Variants in AFTPH observed in about 807,000 individuals in gnomAD.
AFTPH encodes the protein aftiphilin, also known as aftiphilin protein.
A neutral mutation model predicts 72.5 loss-of-function variants in AFTPH; 7 were observed. The observed-to-expected ratio is 0.10, with a 90% confidence interval of 0.05 to 0.18. The LOEUF is 0.18. AFTPH is among the 10% of genes least tolerant of loss of function. AFTPH has a pLI of 1.00. For synonymous variants in AFTPH, 337 were observed against 370.1 expected (o/e 0.91, Z 1.03); for missense variants, 979 against 1,060.5 (o/e 0.92, Z 1.07).
At chr2:64,541,072 A>G (rs1670223316) in intron 1 of AFTPH, among the ~76,000 whole-genome samples, 1 of 152,108 alleles carries the variant, frequency 6.6e-6, no homozygotes. Flanking sequence ...GCTACCTTGT[A>G]GGATTACTTA....
chr2:64,591,260 A>T (rs3770723), intron 8 of AFTPH, among the ~76,000 whole-genome samples: 27,146 of 152,072 alleles, frequency 0.18, 3,108 homozygotes, highest in African/African-American at 0.33. Flanking sequence ...GATTTCCCTC[A>T]CCCAGAGTTC....
In AFTPH at chr2:64,553,242, G is replaced by A. The variant is rs139549105; in HGVS notation, c.1768G>A (p.Asp590Asn). ...TAGTTGTTCTTGGGCTGCTTTTGGA[G>A]ACCAGCAGGCTACTGAATCTCATCA... The change falls in exon 2 of 9, where the codon GAC (aspartate) becomes AAC (asparagine). Residue 590 changes from aspartate (D) to asparagine (N), a missense_variant. Coordinates refer to ENST00000238856, the Ensembl canonical transcript of AFTPH. 1.8e-4 allele frequency: 289 copies of A among 1,614,142 alleles called. No individual in the cohort carries two copies. In the African/African-American group the frequency reaches 2.4e-3, roughly 13 times the overall value.
At chr2:64,558,057 G>T (rs990911906) in intron 2 of AFTPH, among the ~76,000 whole-genome samples, 1 of 152,072 alleles carries the variant, frequency 6.6e-6, no homozygotes, top group African/African-American at 2.4e-5. Context: ...ATATTTAATG[G>T]TGCTGCAGCA....
chr2:64,580,967 G>A (rs1673162198), intron 7 of AFTPH: 2 of 345,188 alleles, frequency 5.8e-6, no homozygotes, highest in East Asian at 1.1e-4. Context: ...CATTGTACAT[G>A]AGAAAATGTA....
intron 1 of AFTPH, among the ~76,000 whole-genome samples, chr2:64,547,083 A>G (rs1303216937): frequency 6.6e-6 from 1 of 152,064 alleles, no homozygotes; most frequent in Non-Finnish European, 1.5e-5. Context: ...ACATACTACC[A>G]TCACAATCAA....
rs1301308111 is a variant in AFTPH at position 64,592,018 on chromosome 2, GA to G, written c.2718del (p.Ala907GlnfsTer5). 1 of 1,609,896 alleles carries G rather than the reference GA, an allele frequency of 6.2e-7. No individual in the cohort carries two copies. Among genetic ancestry groups the G allele is most frequent in the Non-Finnish European group, 8.5e-7 (1 of 1,178,828 alleles). On this transcript the variant is annotated frameshift_variant, in exon 9 of 9. Coordinates refer to ENST00000238856, the Ensembl canonical transcript of AFTPH. LOFTEE classifies it high-confidence loss of function. ...GTTAACACCTTCCACAAGCTCTCAAGAAAAAGCAGACGGATAACTGATGTGA... is the reference window on the plus strand; with the variant it reads ...GTTAACACCTTCCACAAGCTCTCAAGAAAAGCAGACGGATAACTGATGTGA...
chr2:64,572,454 A>G (rs1672497033), intron 5 of AFTPH, among the ~76,000 whole-genome samples: 2 of 152,160 alleles, frequency 1.3e-5, no homozygotes, highest in Admixed American at 6.5e-5. Context: ...GGTAATGTGT[A>G]CAAAGGGTGC....
exon 8 of AFTPH, chr2:64,585,445 T>C (rs1348027386): frequency 6.2e-7 from 1 of 1,610,572 alleles, no homozygotes; most frequent in Non-Finnish European, 8.5e-7. Context: ...GTTGTATGAG[T>C]TAACAACTTC....
exon 2 of AFTPH, chr2:64,552,101 G>A: frequency 6.2e-7 from 1 of 1,614,100 alleles, no homozygotes; most frequent in Middle Eastern, 1.6e-4. Flanking sequence ...CAAAGGGACG[G>A]AAGCCTCTTA....
At chr2:64,587,474 C>T (rs1176504061) in intron 8 of AFTPH, among the ~76,000 whole-genome samples, 1 of 152,196 alleles carries the variant, frequency 6.6e-6, no homozygotes, top group African/African-American at 2.4e-5. Context: ...TTTCAGAAAG[C>T]ATTTTTAGTA....
chr2:64,545,453 C>T (rs1373207723), intron 1 of AFTPH, among the ~76,000 whole-genome samples: 1 of 150,152 alleles, frequency 6.7e-6, no homozygotes, highest in African/African-American at 2.4e-5. Context: ...TGTATGTACA[C>T]ACACACTATA....
intron 2 of AFTPH, among the ~76,000 whole-genome samples, chr2:64,566,711 A>G (rs1011303472): frequency 5.3e-5 from 8 of 152,148 alleles, no homozygotes; most frequent in African/African-American, 1.9e-4. Context: ...ATGTATAGTA[A>G]ACCTAGTGGT....
At chr2:64,590,229 A>T (rs1044493141) in intron 8 of AFTPH, among the ~76,000 whole-genome samples, 1 of 152,156 alleles carries the variant, frequency 6.6e-6, no homozygotes, top group African/African-American at 2.4e-5. Context: ...AGCTTATATA[A>T]AGATTAGTAT....
At chr2:64,555,555 T>TCACACACACACA (rs111905151) in intron 2 of AFTPH, among the ~76,000 whole-genome samples, 10 of 140,768 alleles carry the variant, frequency 7.1e-5, no homozygotes, top group South Asian at 2.3e-4. Context: ...AGAGAGACTG[T>TCACACACACACA]CACACACACA....
At chr2:64,571,577 A>C (rs989737829) in intron 5 of AFTPH, among the ~76,000 whole-genome samples, 1 of 152,196 alleles carries the variant, frequency 6.6e-6, no homozygotes, top group African/African-American at 2.4e-5. Flanking sequence ...TGATTCTGCA[A>C]ACTGTTTTAG....
At chr2:64,536,015 C>T (rs75025144) in intron 1 of AFTPH, among the ~76,000 whole-genome samples, 11 of 151,992 alleles carry the variant, frequency 7.2e-5, no homozygotes, top group Non-Finnish European at 1.0e-4. Context: ...AGAGGGGGAG[C>T]GGTTGGGGTA....
chr2:64,553,281 T>C (rs746081467), exon 2 of AFTPH: 2 of 1,614,112 alleles, frequency 1.2e-6, no homozygotes, highest in Non-Finnish European at 8.5e-7. Context: ...AAAGGAAGCC[T>C]GGCAGTCACA....
In AFTPH at chr2:64,552,955, T is replaced by C. The variant is rs945762100; in HGVS notation, c.1481T>C (p.Ile494Thr). 1.9e-6 allele frequency: 3 copies of C among 1,614,014 alleles called. No homozygotes were observed. In the African/African-American group the frequency reaches 4.0e-5, roughly 22 times the overall value. Reference sequence around the variant, plus strand: ...GCTGTTTCTTGCCAAGAGGAGACAATATTAACAAAGTCAGACCTAAAACAG... The same window carrying C: ...GCTGTTTCTTGCCAAGAGGAGACAACATTAACAAAGTCAGACCTAAAACAG... Residue 494 changes from isoleucine to threonine, a missense_variant, in exon 2 of 9, where the codon ATA becomes ACA. By Grantham distance (89) the Ile-to-Thr change is moderately conservative. Transcript: ENST00000238856.
At chr2:64,534,785 T>A (rs1669800986) in intron 1 of AFTPH, among the ~76,000 whole-genome samples, 1 of 151,702 alleles carries the variant, frequency 6.6e-6, no homozygotes, top group Non-Finnish European at 1.5e-5. Context: ...TTAAATTATA[T>A]ACTAATTATA....
Sources: gnomAD v4.1 joint callset for allele counts (sites outside exome capture counted in the v4.1 genomes callset) on GRCh38, gnomAD v4.1.1 for gene constraint, MANE v1.5 for transcripts, NCBI Gene and HGNC (gene_info 2026-07-23, HGNC 2026-07-21) for gene names.